The following NOSIP variants were observed in gnomAD, a reference collection of about 807,000 sequenced individuals.
NOSIP encodes the protein nitric oxide synthase interacting protein.
Under a neutral mutation model 36.4 loss-of-function variants are expected in NOSIP, and 25 were observed. That is an observed-to-expected ratio of 0.69 (90% CI 0.50 to 0.96). The LOEUF is 0.96. Among genes scored for constraint, NOSIP ranks in the 40% least tolerant of loss-of-function variants. The pLI is 0.00. For synonymous variants in NOSIP, 187 were observed against 179.2 expected, an observed-to-expected ratio of 1.04 and a Z score of -0.35; for missense variants, 370 against 429.0, an observed-to-expected ratio of 0.86 and a Z score of 1.21.
chr19:49,557,658 G>A, intron 4 of NOSIP: 1 of 1,027,042 alleles, frequency 9.7e-7, no homozygotes, highest in Non-Finnish European at 1.2e-6. Flanking sequence ...TCTATACAGT[G>A]CATGCCCCAG....
chr19:49,568,658 A>T (rs1160013581), intron 1 of NOSIP, among the ~76,000 whole-genome samples: 1 of 151,980 alleles, frequency 6.6e-6, no homozygotes, highest in Non-Finnish European at 1.5e-5. Context: ...AAGATGAGTA[A>T]AAGAGGCTGG....
chr19:49,563,777 G>C (rs1018618049), intron 1 of NOSIP, among the ~76,000 whole-genome samples: 3 of 152,122 alleles, frequency 2.0e-5, no homozygotes, highest in Non-Finnish European at 2.9e-5. Context: ...TTACAGGTGT[G>C]AGCCACTGTG....
At chr19:49,562,972 C>G (rs772601944) in intron 1 of NOSIP, among the ~76,000 whole-genome samples, 1 of 152,168 alleles carries the variant, frequency 6.6e-6, no homozygotes, top group Non-Finnish European at 1.5e-5. Context: ...CAAGCTTAAA[C>G]AGTTGCAAAG....
intron 1 of NOSIP, among the ~76,000 whole-genome samples, chr19:49,565,719 C>T (rs2080397327): frequency 6.6e-6 from 1 of 151,796 alleles, no homozygotes; most frequent in Non-Finnish European, 1.5e-5. Context: ...GATGGAGCCA[C>T]TGCTCTCCAG....
In NOSIP at chr19:49,559,074, G is replaced by A. The variant is rs140289937; in HGVS notation, c.177-96C>T. ...TTATAGGCAGAAGTCATCATGATCA[G>A]TCCCAAGTTCAATTATTTGCTAGAA... On this transcript the variant is annotated intron_variant, in intron 3 of 8. Coordinates refer to ENST00000596358, the MANE Select transcript of NOSIP (RefSeq NM_001270960.2). 4.5e-4 allele frequency: 418 copies of A among 933,414 alleles called. 2 individuals are homozygous for A. The African/African-American group carries it at 5.5e-3, about 12-fold the overall frequency. 57.8% of individuals were successfully genotyped at this position (933,414 alleles called of 1,614,324 possible). A position where few individuals can be genotyped will look rare whatever the true frequency, so the allele number is the denominator to read the frequency against.
chr19:49,566,285 G>C (rs996494599), intron 1 of NOSIP, among the ~76,000 whole-genome samples: 1 of 152,106 alleles, frequency 6.6e-6, no homozygotes, highest in South Asian at 2.1e-4. Flanking sequence ...TTCCCAAAGT[G>C]CTGGGATTAC....
intron 1 of NOSIP, among the ~76,000 whole-genome samples, chr19:49,568,190 G>A (rs546513223): frequency 1.8e-4 from 27 of 152,294 alleles, no homozygotes; most frequent in African/African-American, 6.5e-4. Flanking sequence ...CGGGCTAGGT[G>A]GTTAAGACAT....
intron 1 of NOSIP, among the ~76,000 whole-genome samples, chr19:49,572,747 G>A (rs973862171): frequency 1.3e-5 from 2 of 151,976 alleles, no homozygotes; most frequent in African/African-American, 2.4e-5. Flanking sequence ...CCCAAGGCGG[G>A]CAGATCACCT....
intron 1 of NOSIP, among the ~76,000 whole-genome samples, chr19:49,562,657 C>T (rs1432334883): frequency 2.6e-5 from 4 of 151,958 alleles, no homozygotes; most frequent in Non-Finnish European, 5.9e-5. Context: ...GAGGCGGGGG[C>T]GGATCACGAG....
At chr19:49,569,199 CT>C (rs71180641) in intron 1 of NOSIP, among the ~76,000 whole-genome samples, 1,499 of 127,400 alleles carry the variant, frequency 0.012, 8 homozygotes, top group African/African-American at 0.021. Context: ...TACAATGATA[CT>C]TTTTTTTTTT....
chr19:49,562,676 A>C (rs1389554974), intron 1 of NOSIP, among the ~76,000 whole-genome samples: 2 of 152,042 alleles, frequency 1.3e-5, no homozygotes, highest in Non-Finnish European at 2.9e-5. Context: ...AGATCAAGAG[A>C]TCGAGACCAT....
intron 7 of NOSIP, 28 bp downstream of exon 7, chr19:49,556,521 C>G (rs776411101): frequency 6.2e-7 from 1 of 1,604,958 alleles, no homozygotes; most frequent in Non-Finnish European, 8.5e-7. Flanking sequence ...CCCGAGTGGT[C>G]CCTTCCCTCC....
rs757369043 is a variant in NOSIP at position 49,556,571 on chromosome 19, G to C, written c.703C>G (p.Pro235Ala). 18 of 1,606,008 alleles carry C rather than the reference G, an allele frequency of 1.1e-5. No individual in the cohort carries two copies. The highest frequency in any genetic ancestry group is 1.4e-5 in the Non-Finnish European group (17 of 1,179,270). ...VTRDSLSNAT[P>A]CAVLRPSGAV... The stretch of plus-strand genomic sequence containing the variant: ...CACGAGGGCCGCAGCACAGCGCAGG[G>C]GGTGGCGTTGCTCAGGCTGTCGCGG... Residue 235 changes from proline (P) to alanine (A), a missense_variant, in exon 7 of 9, where the codon CCC (proline) becomes GCC (alanine). Physicochemically the swap from Pro to Ala is conservative, Grantham distance 27. This residue lies in a region of NOSIP where 315 missense variants were observed against 331.9 expected (regional missense o/e 0.95). Coordinates refer to ENST00000596358, the MANE Select transcript of NOSIP (RefSeq NM_001270960.2).
In NOSIP at chr19:49,575,133, G is replaced by C. The variant is rs945165595; in HGVS notation, c.-2+5382C>G. 1.1e-3 allele frequency among the ~76,000 whole-genome samples: 173 copies of C among 152,254 alleles called. 1 individual carries two copies. Among genetic ancestry groups the C allele is most frequent in the African/African-American group, 4.0e-3 (167 of 41,540 alleles). ...CCACCTCGGCCTCCCAAAGTGCTGG[G>C]ATTACAGGCGTGAGCCACTGCGCCC... is the stretch of plus-strand genomic sequence containing the variant. On this transcript the variant is annotated intron_variant, in intron 1 of 8. Transcript: ENST00000596358.
chr19:49,564,331 G>A (rs2080374735), intron 1 of NOSIP, among the ~76,000 whole-genome samples: 1 of 151,754 alleles, frequency 6.6e-6, no homozygotes, highest in African/African-American at 2.4e-5. Context: ...GTGTGCGCCT[G>A]TAATCCCAGC....
intron 4 of NOSIP, chr19:49,557,538 C>T: frequency 8.0e-7 from 1 of 1,255,306 alleles, no homozygotes; most frequent in South Asian, 2.4e-5. Flanking sequence ...GGTTACCCAC[C>T]TCAGCGGCTC....
Position 49,560,399 on chromosome 19 carries a change from C to T in NOSIP, c.70+223G>A, listed in dbSNP as rs1017081360. 5.1e-6 allele frequency: 3 copies of T among 591,370 alleles called. No homozygotes were observed. The highest frequency in any genetic ancestry group is 9.1e-6 in the Non-Finnish European group (3 of 330,520). The allele number at this position is 591,370 out of a possible 1,614,324, so 36.6% of individuals were successfully genotyped here. A position where few individuals can be genotyped will look rare whatever the true frequency, so the allele number is the denominator to read the frequency against. Reference sequence around the variant, plus strand: ...GGTAACAAGAGCACCCTCCCTGACACTCTGTTGGGAGGAGTGAGTTCATGC... The same window carrying T: ...GGTAACAAGAGCACCCTCCCTGACATTCTGTTGGGAGGAGTGAGTTCATGC... On this transcript the variant is annotated intron_variant, in intron 2 of 8. Coordinates refer to ENST00000596358, the MANE Select transcript of NOSIP (RefSeq NM_001270960.2). The surrounding 1 kb of genome is among the most constrained non-coding windows in gnomAD (Gnocchi z 4.6).
intron 4 of NOSIP, chr19:49,557,998 G>A (rs1220454208): frequency 7.6e-6 from 7 of 915,056 alleles, no homozygotes; most frequent in Admixed American, 6.2e-5. Context: ...TTTCCTGAGC[G>A]CCAGCAACCA....
chr19:49,577,972 G>C (rs1312245055), intron 1 of NOSIP, among the ~76,000 whole-genome samples: 2 of 152,072 alleles, frequency 1.3e-5, no homozygotes, highest in African/African-American at 4.8e-5. Flanking sequence ...AATAGGGAAT[G>C]ACTGCTAATG....
Sources: gnomAD v4.1 joint callset for allele counts (sites outside exome capture counted in the v4.1 genomes callset) on GRCh38, gnomAD v4.1.1 for gene constraint, gnomAD v4.1.1 regional missense constraint, Gnocchi (gnomAD v3.1) non-coding constraint, MANE v1.5 for transcripts, NCBI Gene and HGNC (gene_info 2026-07-23, HGNC 2026-07-21) for gene names.